RCOR1: variants seen among roughly 807,000 people sequenced by gnomAD.
The protein encoded by RCOR1 is REST corepressor.
In RCOR1, 12 loss-of-function variants were observed where a neutral mutation model predicts 64.0. The observed-to-expected ratio is 0.19, with a 90% CI of 0.12 to 0.30. The LOEUF (loss-of-function observed/expected upper bound fraction) is 0.30, where lower values mean the gene tolerates loss of function less well. Ranked by LOEUF, RCOR1 falls within the 10% of genes least tolerant of loss-of-function variation. The pLI is 1.00. For missense variants in RCOR1, 502 were observed against 621.2 expected (o/e 0.81, Z 2.04); for synonymous variants, 279 against 227.2 (o/e 1.23, Z -2.05).
In RCOR1 at chr14:102,728,509, ACCT is replaced by A; in HGVS notation, c.*2007_*2009del. The A allele has an allele frequency of 6.6e-6, 1 of 152,092 alleles. No individual in the cohort carries two copies. The highest frequency in any genetic ancestry group is 1.9e-4 in the East Asian group (1 of 5,182). The allele number at this position is 152,092 out of a possible 1,614,324, so 9.4% of individuals were successfully genotyped here. A position where few individuals can be genotyped will look rare whatever the true frequency, so the allele number is the denominator to read the frequency against. ...TTAGGTTCTCCGTGCTTCCCTCAAG[ACCT>A]CCTTCTTGCTAACAGAAGCAGTAGG... On this transcript the variant is annotated 3_prime_UTR_variant, in exon 12 of 12. Coordinates refer to ENST00000262241, the MANE Select transcript of RCOR1 (RefSeq NM_015156.4).
chr14:102,724,498 A>G (rs1417615130), intron 11 of RCOR1, among the ~76,000 whole-genome samples: 1 of 151,836 alleles, frequency 6.6e-6, no homozygotes, highest in African/African-American at 2.4e-5. Flanking sequence ...TGCTTGGCTA[A>G]TTTTTGTATT....
In RCOR1 at chr14:102,593,317, T is replaced by A; in HGVS notation, c.353T>A (p.Phe118Tyr). 1 of 1,546,462 alleles carries A rather than the reference T, an allele frequency of 6.5e-7. No homozygotes were observed. The highest frequency in any genetic ancestry group is 2.6e-5 in the East Asian group (1 of 38,036). ...CAGTACCAGGCGGTGGTGCCCGACTTCGACCCCGGTGAGTAGCGGCCCCGG... is the reference window on the plus strand; with the variant it reads ...CAGTACCAGGCGGTGGTGCCCGACTACGACCCCGGTGAGTAGCGGCCCCGG... ...GPQYQAVVPD[F>Y]DPAKLARRSQ... is the part of the protein sequence containing the mutation. The change falls in exon 2 of 12, where the codon TTC becomes TAC. Residue 118 changes from phenylalanine (F) to tyrosine (Y), a missense_variant. By Grantham distance (22) the Phe-to-Tyr change is conservative. Transcript: ENST00000262241.
chr14:102,703,195 G>A lies in RCOR1; in HGVS notation c.498+1865G>A, dbSNP rs116566258. On this transcript the variant is annotated intron_variant, in intron 4 of 11. Coordinates refer to ENST00000262241, the MANE Select transcript of RCOR1 (RefSeq NM_015156.4). ...CAGCAGGATGAGAAAAGATTGAAGAGTGAACAGAGCCTAAGGTACCCTAGG... is the reference window on the plus strand; with the variant it reads ...CAGCAGGATGAGAAAAGATTGAAGAATGAACAGAGCCTAAGGTACCCTAGG... Among the ~76,000 whole-genome samples, 1,011 of 152,330 alleles carry A rather than the reference G, an allele frequency of 6.6e-3. 10 individuals are homozygous for A. Among genetic ancestry groups the A allele is most frequent in the African/African-American group, 0.024 (977 of 41,570 alleles).
intron 2 of RCOR1, among the ~76,000 whole-genome samples, chr14:102,611,823 C>CT (rs1398321963): frequency 2.0e-5 from 3 of 152,060 alleles, no homozygotes; most frequent in Non-Finnish European, 4.4e-5. Context: ...CCATTTGATT[C>CT]TTTTGGGTAT....
chr14:102,623,633 C>T (rs907304273), intron 2 of RCOR1, among the ~76,000 whole-genome samples: 15 of 151,440 alleles, frequency 9.9e-5, no homozygotes, highest in Non-Finnish European at 2.2e-4. Flanking sequence ...TGGTCTTGAT[C>T]CCCTGATCTC....
At chr14:102,715,374 AT>A (rs1287326864) in intron 8 of RCOR1, among the ~76,000 whole-genome samples, 1 of 145,670 alleles carries the variant, frequency 6.9e-6, no homozygotes, top group South Asian at 2.2e-4. Flanking sequence ...CCCGGCCCTG[AT>A]TTTTTTTAAT....
At chr14:102,725,452 C>T (rs955864919) in intron 11 of RCOR1, among the ~76,000 whole-genome samples, 16 of 152,170 alleles carry the variant, frequency 1.1e-4, no homozygotes, top group African/African-American at 3.4e-4. Flanking sequence ...ATCGTATGGG[C>T]TCCTGTATCC....
At position 102,632,373 on chromosome 14, in the gene RCOR1, A is replaced by G. The variant is rs532564236; in HGVS notation, c.361+39048A>G. ...GCTGGGACTACAGGCCCCCACCACC[A>G]CGCCCGGCTCATTTTTTGTATTTTT... On this transcript the variant is annotated intron_variant, in intron 2 of 11. Coordinates refer to ENST00000262241, the MANE Select transcript of RCOR1 (RefSeq NM_015156.4). 6.0e-5 allele frequency among the ~76,000 whole-genome samples: 9 copies of G among 148,964 alleles called. 1 individual carries two copies. The highest frequency in any genetic ancestry group is 2.0e-4 in the African/African-American group (8 of 40,366).
At chr14:102,726,330 C>CAAA in intron 11 of RCOR1, 138 bp from the exon 12 acceptor site, 11 of 622,270 alleles carry the variant, frequency 1.8e-5, no homozygotes, top group East Asian at 6.5e-5. Flanking sequence ...GTCTCCCCTC[C>CAAA]AAAAAAAAAA....
intron 7 of RCOR1, among the ~76,000 whole-genome samples, chr14:102,711,596 A>T (rs1002860819): frequency 6.6e-6 from 1 of 152,180 alleles, no homozygotes; most frequent in Non-Finnish European, 1.5e-5. Flanking sequence ...CTACAATTGC[A>T]TGTAACTTTT....
At chr14:102,621,790 GGAAA>G (rs1195089126) in intron 2 of RCOR1, among the ~76,000 whole-genome samples, 1 of 152,052 alleles carries the variant, frequency 6.6e-6, no homozygotes, top group Non-Finnish European at 1.5e-5. Context: ...GGGGAATAGG[GGAAA>G]GAGAGGGCCT....
At chr14:102,644,794 A>G (rs972521403) in intron 2 of RCOR1, among the ~76,000 whole-genome samples, 3 of 152,236 alleles carry the variant, frequency 2.0e-5, no homozygotes, top group Non-Finnish European at 4.4e-5. Flanking sequence ...ATCCATTGCC[A>G]TTCTGAAATT....
At chr14:102,684,689 G>T (rs1356766678) in intron 3 of RCOR1, among the ~76,000 whole-genome samples, 1 of 151,728 alleles carries the variant, frequency 6.6e-6, no homozygotes, top group Non-Finnish European at 1.5e-5. Context: ...ACCCAGAGGT[G>T]ATAATCGTTA....
chr14:102,629,869 T>C, intron 2 of RCOR1: 1 of 226,988 alleles, frequency 4.4e-6, no homozygotes, highest in Non-Finnish European at 7.3e-6. Flanking sequence ...AAAACTGATA[T>C]TTAGAGAGCT....
chr14:102,726,853 G>A lies in RCOR1; in HGVS notation c.*347G>A, dbSNP rs767903373. On this transcript the variant is annotated 3_prime_UTR_variant, in exon 12 of 12. Coordinates refer to ENST00000262241, the MANE Select transcript of RCOR1 (RefSeq NM_015156.4). Reference sequence around the variant, plus strand: ...CCAGTCAGCAGCTTCAGAGCAGGCAGTCTCCTTGGAAGGCCCGACTCTGTT... The same window carrying A: ...CCAGTCAGCAGCTTCAGAGCAGGCAATCTCCTTGGAAGGCCCGACTCTGTT... 3.3e-5 allele frequency: 10 copies of A among 301,042 alleles called. No individual in the cohort carries two copies. Among genetic ancestry groups the A allele is most frequent in the Non-Finnish European group, 4.9e-5 (8 of 164,238 alleles). 18.6% of individuals were successfully genotyped at this position (301,042 alleles called of 1,614,324 possible). A position where few individuals can be genotyped will look rare whatever the true frequency, so the allele number is the denominator to read the frequency against.
intron 2 of RCOR1, among the ~76,000 whole-genome samples, chr14:102,644,818 G>A (rs79177095): frequency 0.012 from 1,872 of 152,334 alleles, 40 homozygotes; most frequent in African/African-American, 0.043. Flanking sequence ...CAGGGCACAC[G>A]TTACCAATTC....
intron 2 of RCOR1, among the ~76,000 whole-genome samples, chr14:102,637,845 C>T (rs1000828619): frequency 6.6e-6 from 1 of 152,088 alleles, no homozygotes; most frequent in African/African-American, 2.4e-5. Context: ...GGAGAGTGCC[C>T]TTAAATTGCT....
At chr14:102,726,024 G>A (rs1896251821) in intron 11 of RCOR1, among the ~76,000 whole-genome samples, 1 of 152,156 alleles carries the variant, frequency 6.6e-6, no homozygotes. Flanking sequence ...CCACACGCTT[G>A]CCCTGCCCTT....
intron 3 of RCOR1, among the ~76,000 whole-genome samples, chr14:102,688,955 G>A (rs1400645547): frequency 6.6e-6 from 1 of 152,134 alleles, no homozygotes; most frequent in Non-Finnish European, 1.5e-5. Flanking sequence ...TGCCCACCTT[G>A]CTCAGCCCTA....
Sources: gnomAD v4.1 joint callset for allele counts (sites outside exome capture counted in the v4.1 genomes callset) on GRCh38, gnomAD v4.1.1 for gene constraint, MANE v1.5 for transcripts, NCBI Gene and HGNC (gene_info 2026-07-23, HGNC 2026-07-21) for gene names.